ADAMTS13: variants seen among roughly 807,000 people sequenced by gnomAD.
The protein encoded by ADAMTS13 is ADAM metallopeptidase with thrombospondin type 1 motif 13, also known as A disintegrin and metalloproteinase with thrombospondin motifs 13.
Under a neutral mutation model 155.1 loss-of-function variants are expected in ADAMTS13, and 110 were observed. That is an observed-to-expected ratio of 0.71 (90% CI 0.61 to 0.83). The LOEUF is 0.83. ADAMTS13 is among the 40% of genes least tolerant of loss of function. ADAMTS13 has a pLI of 0.00. For synonymous variants in ADAMTS13, 758 were observed against 756.4 expected, an observed-to-expected ratio of 1.00 and a Z score of -0.03; for missense variants, 1,707 against 1,891.7, an observed-to-expected ratio of 0.90 and a Z score of 1.81.
rs917078791 is a variant in ADAMTS13 at position 133,445,876 on chromosome 9, C to T, written c.2731+57C>T. On this transcript the variant is annotated intron_variant, in intron 21 of 28. Transcript: ENST00000355699. The surrounding 1 kb of genome is among the most constrained non-coding windows in gnomAD (Gnocchi z 5.0). ...GCACTCATGGTAACTCTCCTGTCCACTTGCATCTTGCCTCGTTCTGAAAAG... is the reference window on the plus strand; with the variant it reads ...GCACTCATGGTAACTCTCCTGTCCATTTGCATCTTGCCTCGTTCTGAAAAG... The T allele has an allele frequency of 4.5e-5, 68 of 1,512,122 alleles. No homozygotes were observed. Among genetic ancestry groups the T allele is most frequent in the Non-Finnish European group, 5.6e-5 (63 of 1,129,640 alleles). 93.7% of individuals were successfully genotyped at this position (1,512,122 alleles called of 1,614,324 possible). A position where few individuals can be genotyped will look rare whatever the true frequency, so the allele number is the denominator to read the frequency against.
chr9:133,422,440 G>C lies in ADAMTS13; in HGVS notation c.-4G>C. On this transcript the variant is annotated 5_prime_UTR_variant, in exon 1 of 29. Transcript: ENST00000355699. ...CTCCACTCCTCGGGCTGGCTCTCCTGAGGATGCACCAGCGTCACCCCCGGG... is the reference window on the plus strand; with the variant it reads ...CTCCACTCCTCGGGCTGGCTCTCCTCAGGATGCACCAGCGTCACCCCCGGG... 1 of 1,613,192 alleles carries C rather than the reference G, an allele frequency of 6.2e-7. No individual in the cohort carries two copies. Among genetic ancestry groups the C allele is most frequent in the Non-Finnish European group, 8.5e-7 (1 of 1,179,890 alleles).
intron 1 of ADAMTS13, among the ~76,000 whole-genome samples, 177 bp from the exon 2 acceptor site, chr9:133,422,922 TTC>T (rs1301183610): frequency 4.0e-5 from 6 of 149,476 alleles, no homozygotes; most frequent in African/African-American, 9.8e-5. Flanking sequence ...TCTTTTTTCT[TTC>T]TCTCTCTCTC....
At chr9:133,433,922 C>A (rs1163387775) in intron 11 of ADAMTS13, among the ~76,000 whole-genome samples, 1 of 152,044 alleles carries the variant, frequency 6.6e-6, no homozygotes, top group Non-Finnish European at 1.5e-5. Context: ...ATGGTGAAAT[C>A]TCGTCTCTAC....
At chr9:133,419,037 C>T (rs1437311133), upstream of ADAMTS13, among the ~76,000 whole-genome samples, 5 of 152,250 alleles carry the variant, frequency 3.3e-5, no homozygotes, top group South Asian at 2.1e-4. Flanking sequence ...CCTGGGGTTT[C>T]GCCACGTTGG....
At position 133,424,355 on chromosome 9, in the gene ADAMTS13, G is replaced by T; in HGVS notation, c.207G>T (p.Arg69Ser). Reference protein sequence around the residue: ...RPPSPGFQRQRQRQRRAAGGI... With the variant: ...RPPSPGFQRQSQRQRRAAGGI... Reference sequence around the variant, plus strand: ...CTTCCCCTGGCTTCCAGAGGCAGAGGCAGAGGCAGAGGCGGGCTGCAGGCG... The same window carrying T: ...CTTCCCCTGGCTTCCAGAGGCAGAGTCAGAGGCAGAGGCGGGCTGCAGGCG... Residue 69 changes from arginine (R) to serine (S), a missense_variant, in exon 3 of 29, where the codon AGG becomes AGT. This residue lies in a region of ADAMTS13 where 733 missense variants were observed against 749.6 expected (regional missense o/e 0.98). Transcript: ENST00000355699. The surrounding 1 kb of genome is among the most constrained non-coding windows in gnomAD (Gnocchi z 4.3). 2 of 1,613,124 alleles carry T rather than the reference G, an allele frequency of 1.2e-6. No individual in the cohort carries two copies. Among genetic ancestry groups the T allele is most frequent in the Middle Eastern group, 1.7e-4 (1 of 5,812 alleles).
rs782028864 is a variant in ADAMTS13 at position 133,442,450 on chromosome 9, A to G, written c.2020A>G (p.Thr674Ala). The change falls in exon 17 of 29, where the codon ACC (threonine) becomes GCC (alanine). Residue 674 changes from threonine to alanine, a missense_variant. Coordinates refer to ENST00000355699, the MANE Select transcript of ADAMTS13 (RefSeq NM_139027.6). Reference protein sequence around the residue: ...EYGNLTRPDITFTYFQPKPRQ... With the variant: ...EYGNLTRPDIAFTYFQPKPRQ... ...TGGCAACCTCACCCGCCCAGACATC[A>G]CCTTCACCTACTTCCAGCCTAAGCC... The G allele has an allele frequency of 6.2e-7, 1 of 1,613,774 alleles. No homozygotes were observed. The highest frequency in any genetic ancestry group is 1.7e-5 in the Admixed American group (1 of 60,024).
chr9:133,422,207 T>G (rs1839998113), upstream of ADAMTS13: 3 of 597,780 alleles, frequency 5.0e-6, no homozygotes, highest in Non-Finnish European at 6.0e-6. Context: ...AGGACTGGGC[T>G]GCAGGTTACC....
chr9:133,424,904 GA>G lies in ADAMTS13; in HGVS notation c.330+427del, dbSNP rs1342577998. ...AGGTCACCCGTCTGAAGTCTAAACA[GA>G]GACTGCTGGCAAAGGAGATGCCCAC... On this transcript the variant is annotated intron_variant, in intron 3 of 28. Transcript: ENST00000355699. This position sits in a 1 kb window ranked among gnomAD's most constrained non-coding sequence, Gnocchi z 4.3. Among the ~76,000 whole-genome samples, 2 of 152,222 alleles carry G rather than the reference GA, an allele frequency of 1.3e-5. No homozygotes were observed. The highest frequency in any genetic ancestry group is 4.8e-5 in the African/African-American group (2 of 41,452).
In ADAMTS13 at chr9:133,449,972, C is replaced by T; in HGVS notation, c.3044+7C>T. 6.3e-7 allele frequency: 1 copy of T among 1,592,456 alleles called. No homozygotes were observed. On this transcript the variant is annotated splice_region_variant and intron_variant, in intron 23 of 28. Transcript: ENST00000355699. ...TGGAGCCCTGCCCACCTAGGTGAGT[C>T]AGCCGGTGATGGGAGGGGCAGCTCC...
upstream of ADAMTS13, chr9:133,418,138 A>T: frequency 6.7e-6 from 3 of 450,720 alleles, no homozygotes; most frequent in South Asian, 9.0e-5. Context: ...CCGCCGCCTT[A>T]GCCAGCGGCA....
At chr9:133,427,457 G>A (rs930075863) in intron 6 of ADAMTS13, among the ~76,000 whole-genome samples, 1 of 152,100 alleles carries the variant, frequency 6.6e-6, no homozygotes, top group Non-Finnish European at 1.5e-5. Context: ...ACCCCCACCC[G>A]ACCCCTTTCA....
In ADAMTS13 at chr9:133,456,255, G is replaced by A. The variant is rs758383702; in HGVS notation, c.3547+40G>A. Reference sequence around the variant, plus strand: ...ATGCAAGCGATGCTGCCAGTTATGGGCCCTGCCAGGAGCCAGCACGACGCT... The same window carrying A: ...ATGCAAGCGATGCTGCCAGTTATGGACCCTGCCAGGAGCCAGCACGACGCT... On this transcript the variant is annotated intron_variant, in intron 26 of 28. Coordinates refer to ENST00000355699, the MANE Select transcript of ADAMTS13 (RefSeq NM_139027.6). The surrounding 1 kb of genome is among the most constrained non-coding windows in gnomAD (Gnocchi z 4.4). The A allele has an allele frequency of 1.4e-5, 22 of 1,612,616 alleles. No individual in the cohort carries two copies. Among genetic ancestry groups the A allele is most frequent in the Non-Finnish European group, 1.9e-5 (22 of 1,179,956 alleles).
intron 23 of ADAMTS13, among the ~76,000 whole-genome samples, chr9:133,453,437 G>A (rs1463964942): frequency 2.0e-5 from 3 of 151,892 alleles, no homozygotes; most frequent in African/African-American, 7.3e-5. Context: ...CTGAGATTGT[G>A]CCACTGCACT....
At chr9:133,458,814 C>T (rs778986617) in intron 28 of ADAMTS13, among the ~76,000 whole-genome samples, 160 bp from the exon 29 acceptor site, 1 of 152,204 alleles carries the variant, frequency 6.6e-6, no homozygotes, top group Non-Finnish European at 1.5e-5. Context: ...TGTAACGTCC[C>T]TGGACCTCGG....
rs930301415 is a variant in ADAMTS13, at chr9:133,428,629, A to G, written c.687-5A>G. ...CCTTAGCGCAACTCCCCGCCCCCCGACCAGCTTCGGCCTGGAGCACGACGG... is the reference window on the plus strand; with the variant it reads ...CCTTAGCGCAACTCCCCGCCCCCCGGCCAGCTTCGGCCTGGAGCACGACGG... On this transcript the variant is annotated splice_polypyrimidine_tract_variant and splice_region_variant and intron_variant, in intron 6 of 28. Coordinates refer to ENST00000355699, the MANE Select transcript of ADAMTS13 (RefSeq NM_139027.6). The G allele has an allele frequency of 9.0e-7, 1 of 1,108,636 alleles. No homozygotes were observed. Among genetic ancestry groups the G allele is most frequent in the Non-Finnish European group, 1.1e-6 (1 of 908,878 alleles). The allele number at this position is 1,108,636 out of a possible 1,614,324, so 68.7% of individuals were successfully genotyped here. A position where few individuals can be genotyped will look rare whatever the true frequency, so the allele number is the denominator to read the frequency against.
rs1554790230 is a variant in ADAMTS13, at chr9:133,440,078, C to G, written c.1787-266C>G. On this transcript the variant is annotated intron_variant, in intron 15 of 28. Coordinates refer to ENST00000355699, the MANE Select transcript of ADAMTS13 (RefSeq NM_139027.6). The surrounding 1 kb of genome is among the most constrained non-coding windows in gnomAD (Gnocchi z 4.3). ...CTTTCTGGAGTGTGTCTGCACCTAA[C>G]CTTTGAAGCCTTGGTTGCCGGCACT... 1.3e-5 allele frequency among the ~76,000 whole-genome samples: 2 copies of G among 152,264 alleles called. No individual in the cohort carries two copies. The highest frequency in any genetic ancestry group is 2.9e-5 in the Non-Finnish European group (2 of 68,054).
At chr9:133,429,871 C>T (rs1288070523) in intron 7 of ADAMTS13, 68 bp from the exon 8 acceptor site, 1 of 1,529,080 alleles carries the variant, frequency 6.5e-7, no homozygotes, top group South Asian at 1.2e-5. Context: ...CGTGCCCACT[C>T]CTCCGTCCCG....
rs913718699 is a variant in ADAMTS13 at position 133,442,775 on chromosome 9, G to A, written c.2234+32G>A. On this transcript the variant is annotated intron_variant, in intron 18 of 28. Coordinates refer to ENST00000355699, the MANE Select transcript of ADAMTS13 (RefSeq NM_139027.6). ...GTGGTGCTGTCTGCGCAGCTCCAAGGGGGAGAGAGGGTTCCGCTGGGGCTG... is the reference window on the plus strand; with the variant it reads ...GTGGTGCTGTCTGCGCAGCTCCAAGAGGGAGAGAGGGTTCCGCTGGGGCTG... 6.9e-6 allele frequency: 11 copies of A among 1,603,050 alleles called. No individual in the cohort carries two copies. In the East Asian group the frequency reaches 1.6e-4, roughly 23 times the overall value.
chr9:133,448,234 G>C (rs587637348), intron 21 of ADAMTS13, among the ~76,000 whole-genome samples: 1 of 150,992 alleles, frequency 6.6e-6, no homozygotes, highest in Non-Finnish European at 1.5e-5. Flanking sequence ...GTGATCCGCC[G>C]CCCAAAGTGC....
Sources: allele counts gnomAD v4.1 joint callset (sites outside exome capture counted in the v4.1 genomes callset), GRCh38; gene constraint gnomAD v4.1.1; regional missense constraint gnomAD v4.1.1; non-coding constraint Gnocchi (gnomAD v3.1); transcripts MANE v1.5; gene names NCBI Gene and HGNC (gene_info 2026-07-23, HGNC 2026-07-21).